The following MORC2 variants were observed in gnomAD, a reference collection of about 807,000 sequenced individuals.
MORC2 encodes MORC family CW-type zinc finger 2.
Under a neutral mutation model 136.0 loss-of-function variants are expected in MORC2, and 30 were observed. That is an observed-to-expected ratio of 0.22 (90% CI 0.17 to 0.30). The LOEUF (loss-of-function observed/expected upper bound fraction) is 0.30. Among genes scored for constraint, MORC2 ranks in the 10% least tolerant of loss-of-function variants. The pLI is 1.00. For synonymous variants in MORC2, 439 were observed against 487.0 expected, an observed-to-expected ratio of 0.90 and a Z score of 1.30; for missense variants, 922 against 1,333.1, an observed-to-expected ratio of 0.69 and a Z score of 4.80.
chr22:30,966,236 G>GT (rs2041126709), intron 1 of MORC2, among the ~76,000 whole-genome samples: 1 of 152,150 alleles, frequency 6.6e-6, no homozygotes, highest in African/African-American at 2.4e-5. Flanking sequence ...CATAAAATCT[G>GT]TAATTCCAGA....
rs1389654858 is a variant in MORC2 at position 30,967,501 on chromosome 22, T to C, written c.68+321A>G. The C allele has an allele frequency of 3.6e-6, 4 of 1,103,618 alleles. No homozygotes were observed. In the East Asian group the frequency reaches 2.1e-4, roughly 58 times the overall value. 68.4% of individuals were successfully genotyped at this position (1,103,618 alleles called of 1,614,324 possible). On this transcript the variant is annotated intron_variant, in intron 1 of 25. Coordinates refer to ENST00000397641, the MANE Select transcript of MORC2 (RefSeq NM_001303256.3). ...GTTGATACTAAAATAGTCCAACATT[T>C]GGCGATCCAATAGAGCAGTATTTGT...
chr22:30,942,430 G>A (rs945004356), intron 6 of MORC2, among the ~76,000 whole-genome samples, 159 bp from the exon 7 acceptor site: 2 of 152,122 alleles, frequency 1.3e-5, no homozygotes, highest in Admixed American at 1.3e-4. Context: ...TGAGCTTCAG[G>A]GCTTCTGCCT....
rs758374336 is a variant in MORC2, at chr22:30,925,468, C to T, written c.*1335G>A. The stretch of plus-strand genomic sequence containing the variant: ...ACAGGCACATCCAGTGGGGAAAAGA[C>T]TTCCCATTCCAGTGTGGCCTGCATC... On this transcript the variant is annotated 3_prime_UTR_variant, in exon 26 of 26. Coordinates refer to ENST00000397641, the MANE Select transcript of MORC2 (RefSeq NM_001303256.3). 6.2e-6 allele frequency: 1 copy of T among 160,602 alleles called. No individual in the cohort carries two copies. Among genetic ancestry groups the T allele is most frequent in the Non-Finnish European group, 1.4e-5 (1 of 72,434 alleles). 9.9% of individuals were successfully genotyped at this position (160,602 alleles called of 1,614,324 possible).
At chr22:30,929,233 T>C (rs2040536452) in intron 24 of MORC2, among the ~76,000 whole-genome samples, 1 of 152,232 alleles carries the variant, frequency 6.6e-6, no homozygotes, top group Non-Finnish European at 1.5e-5. Flanking sequence ...GTATACAACA[T>C]CTTGAAAGTA....
At position 30,957,114 on chromosome 22, in the gene MORC2, G is replaced by T. The variant is rs181484639; in HGVS notation, c.123-317C>A. Among the ~76,000 whole-genome samples the T allele has an allele frequency of 2.9e-3, 442 of 152,180 alleles. 1 individual carries two copies. The highest frequency in any genetic ancestry group is 6.4e-3 in the East Asian group (33 of 5,188). On this transcript the variant is annotated intron_variant, in intron 2 of 25. Coordinates refer to ENST00000397641, the MANE Select transcript of MORC2 (RefSeq NM_001303256.3). ...AAGAATATTTCCCTTTATACCCTAAGAAATGATTCAAATATGTTTTTCTCA... is the reference window on the plus strand; with the variant it reads ...AAGAATATTTCCCTTTATACCCTAATAAATGATTCAAATATGTTTTTCTCA...
rs1162268371 is a variant in MORC2, at chr22:30,932,373, T to C, written c.2827A>G (p.Ile943Val). ...QLSAMNSDEL[I>V]SFPLKEYFKQ... ...GCCAGACTCACCAGAGGAAAAGATA[T>C]TAGCTCATCTGAATTCATAGCACTC... The change falls in exon 24 of 26, where the codon ATA becomes GTA. Residue 943 changes from isoleucine (I) to valine (V), a missense_variant. Physicochemically the swap from Ile to Val is conservative, Grantham distance 29. Around this residue, in one of 9 missense-constraint regions of MORC2, gnomAD observed 263 missense variants for 388.3 expected, o/e 0.68. Transcript: ENST00000397641. The surrounding 1 kb of genome is among the most constrained non-coding windows in gnomAD (Gnocchi z 4.4). The C allele has an allele frequency of 1.9e-6, 3 of 1,613,670 alleles. No individual in the cohort carries two copies. The highest frequency in any genetic ancestry group is 2.5e-6 in the Non-Finnish European group (3 of 1,179,664).
chr22:30,927,966 C>A (rs1401060979), intron 25 of MORC2, 53 bp downstream of exon 25: 11 of 1,598,578 alleles, frequency 6.9e-6, no homozygotes, highest in Admixed American at 1.7e-5. Context: ...CCCAGGCCCC[C>A]CTCCCTGAGA....
chr22:30,932,819 G>A lies in MORC2; in HGVS notation c.2523-50C>T, dbSNP rs2040595314. 1 of 1,613,044 alleles carries A rather than the reference G, an allele frequency of 6.2e-7. No individual in the cohort carries two copies. Among genetic ancestry groups the A allele is most frequent in the African/African-American group, 1.3e-5 (1 of 74,924 alleles). On this transcript the variant is annotated intron_variant, in intron 22 of 25. Coordinates refer to ENST00000397641, the MANE Select transcript of MORC2 (RefSeq NM_001303256.3). This position sits in a 1 kb window ranked among gnomAD's most constrained non-coding sequence, Gnocchi z 4.4. ...CATGTCTGACCCGGGCTCCCAGGAT[G>A]GGCTGCTGGCAGGGAGGCCGGGGAT...
chr22:30,953,777 A>C (rs2040925825), intron 3 of MORC2, among the ~76,000 whole-genome samples: 1 of 152,202 alleles, frequency 6.6e-6, no homozygotes, highest in African/African-American at 2.4e-5. Flanking sequence ...CTATAATAAT[A>C]ATCCAACTAA....
rs78973434 is a variant in MORC2, at chr22:30,941,578, A to G, written c.699-20T>C. The G allele has an allele frequency of 0.013, 20,228 of 1,608,204 alleles. 217 individuals carry two copies. Among genetic ancestry groups the G allele is most frequent in the Non-Finnish European group, 0.012 (14,510 of 1,175,548 alleles). On this transcript the variant is annotated intron_variant, in intron 8 of 25. Transcript: ENST00000397641. The surrounding 1 kb of genome is among the most constrained non-coding windows in gnomAD (Gnocchi z 4.6). ...GGCTTCCTGGAGAGGGCAAAAACAG[A>G]GAAGTGCTGTCACCTGCTCCACAAC...
intron 5 of MORC2, among the ~76,000 whole-genome samples, chr22:30,948,066 G>A (rs1407296563): frequency 1.3e-5 from 2 of 152,108 alleles, no homozygotes; most frequent in Admixed American, 6.5e-5. Flanking sequence ...ACTTCTATAC[G>A]CTTTCCTTCC....
intron 5 of MORC2, among the ~76,000 whole-genome samples, chr22:30,947,877 C>A (rs2040841245): frequency 6.6e-6 from 1 of 152,228 alleles, no homozygotes; most frequent in African/African-American, 2.4e-5. Flanking sequence ...TATCACTTCT[C>A]TAACTGGCTT....
chr22:30,933,040 T>C lies in MORC2; in HGVS notation c.2381-10A>G, dbSNP rs2040599171. 2.5e-6 allele frequency: 4 copies of C among 1,613,458 alleles called. No homozygotes were observed. Among genetic ancestry groups the C allele is most frequent in the African/African-American group, 1.3e-5 (1 of 74,914 alleles). On this transcript the variant is annotated splice_polypyrimidine_tract_variant and intron_variant, in intron 21 of 25. Transcript: ENST00000397641. The stretch of plus-strand genomic sequence containing the variant: ...ACGTGCAGCCCTTTATCTGACAATG[T>C]AGACAGAGGTGCGAGTCAGAAAACT...
At chr22:30,936,408 G>C (rs2040653252) in intron 17 of MORC2, 103 bp downstream of exon 17, 1 of 1,503,516 alleles carries the variant, frequency 6.7e-7, no homozygotes, top group Non-Finnish European at 9.0e-7. Context: ...GGTGAGTGGA[G>C]GGTAAAACTG....
At chr22:30,927,980 C>T (rs1329878513) in intron 25 of MORC2, 39 bp downstream of exon 25, 2 of 1,609,516 alleles carry the variant, frequency 1.2e-6, no homozygotes, top group Admixed American at 3.3e-5. Context: ...CCTGAGAGAC[C>T]AGGTGGTCCA....
In MORC2 at chr22:30,936,615, C is replaced by T; in HGVS notation, c.1633G>A (p.Val545Ile). ...RCEASEQKQK[V>I]PLGTFRKDMK... ...TCCTTTCTGAATGTTCCCAGGGGAA[C>T]CTTCTGCTTTTGTTCAGAAGCCTCA... Residue 545 changes from valine to isoleucine, a missense_variant, in exon 17 of 26, where the codon GTT becomes ATT. By Grantham distance (29) the Val-to-Ile change is conservative. This residue lies in a region of MORC2 where 119 missense variants were observed against 202.7 expected (regional missense o/e 0.59). Coordinates refer to ENST00000397641, the MANE Select transcript of MORC2 (RefSeq NM_001303256.3). 1.2e-6 allele frequency: 2 copies of T among 1,614,146 alleles called. No homozygotes were observed. Among genetic ancestry groups the T allele is most frequent in the Non-Finnish European group, 1.7e-6 (2 of 1,180,026 alleles).
chr22:30,936,399 G>T, intron 17 of MORC2, 112 bp downstream of exon 17: 2 of 1,450,688 alleles, frequency 1.4e-6, no homozygotes, highest in South Asian at 2.7e-5. Flanking sequence ...AACAACGCGG[G>T]TGAGTGGAGG....
chr22:30,966,185 A>G (rs567161659), intron 1 of MORC2, among the ~76,000 whole-genome samples: 156 of 152,350 alleles, frequency 1.0e-3, no homozygotes, highest in Middle Eastern at 3.4e-3. Flanking sequence ...TGGAACAAGA[A>G]CTGAAATTCT....
intron 1 of MORC2, among the ~76,000 whole-genome samples, chr22:30,960,808 CAA>C (rs35374135): frequency 0.5 from 48,826 of 97,388 alleles, 9,771 homozygotes; most frequent in East Asian, 0.7. Flanking sequence ...ACAGATTTCT[CAA>C]AAAAAAAAAA....
Sources: allele counts gnomAD v4.1 joint callset (sites outside exome capture counted in the v4.1 genomes callset), GRCh38; gene constraint gnomAD v4.1.1; regional missense constraint gnomAD v4.1.1; non-coding constraint Gnocchi (gnomAD v3.1); transcripts MANE v1.5; gene names NCBI Gene and HGNC (gene_info 2026-07-23, HGNC 2026-07-21).